PLCB1: variants seen among roughly 807,000 people sequenced by gnomAD.
PLCB1 encodes the protein phospholipase C beta 1.
PLCB1 carries 46 observed loss-of-function variants against 161.8 expected under a neutral mutation model. The observed-to-expected ratio is 0.28, with a 90% CI of 0.22 to 0.36. PLCB1 has a LOEUF of 0.36. PLCB1 is among the 10% of genes least tolerant of loss of function. The pLI is 1.00. For missense variants in PLCB1, 1,016 were observed against 1,472.5 expected (o/e 0.69, Z 5.07); for synonymous variants, 517 against 503.7 (o/e 1.03, Z -0.35).
intron 31 of PLCB1, among the ~76,000 whole-genome samples, chr20:8,801,372 G>T (rs1984271417): frequency 6.6e-6 from 1 of 152,108 alleles, no homozygotes; most frequent in Non-Finnish European, 1.5e-5. Context: ...TTATTCTGCT[G>T]TGCTTTCTGT....
At position 8,881,844 on chromosome 20, in the gene PLCB1, C is replaced by T; in HGVS notation, c.3646C>T (p.Leu1216=). The change falls in exon 32 of 32, where the codon CTG becomes TTG. Residue 1216 remains leucine (L), a synonymous_variant. Coordinates refer to ENST00000338037, the MANE Select transcript of PLCB1 (RefSeq NM_015192.4). ...DIPGKEFDTP[L] The stretch of plus-strand genomic sequence containing the variant: ...CCCAGGAAAAGAATTTGATACTCCT[C>T]TGTGAATGCTCCTGCCAGGCCTTCA... 1.2e-6 allele frequency: 2 copies of T among 1,605,296 alleles called. No homozygotes were observed. Among genetic ancestry groups the T allele is most frequent in the Non-Finnish European group, 1.7e-6 (2 of 1,171,984 alleles).
intron 2 of PLCB1, among the ~76,000 whole-genome samples, chr20:8,272,845 AT>A (rs1407889889): frequency 3.3e-5 from 5 of 152,182 alleles, no homozygotes; most frequent in African/African-American, 7.2e-5. Flanking sequence ...CCAACATTTC[AT>A]GCAATCAGTA....
intron 9 of PLCB1, among the ~76,000 whole-genome samples, chr20:8,666,157 C>A (rs904917378): frequency 6.6e-6 from 1 of 152,118 alleles, no homozygotes; most frequent in African/African-American, 2.4e-5. Context: ...CCCAGAGTTC[C>A]TCGGTGAGAC....
chr20:8,628,499 C>T, intron 4 of PLCB1, 68 bp downstream of exon 4: 1 of 1,480,998 alleles, frequency 6.8e-7, no homozygotes, highest in Non-Finnish European at 9.3e-7. Context: ...ATACTAATGC[C>T]TGCAAAAGAC....
intron 29 of PLCB1, 42 bp downstream of exon 29, chr20:8,788,764 A>G: frequency 7.6e-7 from 1 of 1,307,466 alleles, no homozygotes; most frequent in Non-Finnish European, 1.1e-6. Flanking sequence ...TTCATCTGGG[A>G]ATTATTTTAT....
At chr20:8,198,373 C>A (rs2052052278) in intron 2 of PLCB1, among the ~76,000 whole-genome samples, 1 of 152,164 alleles carries the variant, frequency 6.6e-6, no homozygotes, top group South Asian at 2.1e-4. Flanking sequence ...AGAAGTCCTT[C>A]ACATCCCTTG....
chr20:8,851,142 G>A (rs1228950962), intron 31 of PLCB1, among the ~76,000 whole-genome samples: 4 of 152,182 alleles, frequency 2.6e-5, no homozygotes, highest in African/African-American at 9.6e-5. Flanking sequence ...TGTTCCAATG[G>A]ACTTGGCAGC....
At chr20:8,293,950 A>G (rs1281787612) in intron 2 of PLCB1, among the ~76,000 whole-genome samples, 3 of 152,176 alleles carry the variant, frequency 2.0e-5, no homozygotes, top group Admixed American at 6.6e-5. Flanking sequence ...GTCATGAGGC[A>G]TCTAGAAGAT....
At chr20:8,601,073 C>T (rs931570415) in intron 3 of PLCB1, among the ~76,000 whole-genome samples, 5 of 152,056 alleles carry the variant, frequency 3.3e-5, no homozygotes, top group South Asian at 2.1e-4. Flanking sequence ...GCGTCGCTCA[C>T]GCTGGGAGCT....
intron 25 of PLCB1, among the ~76,000 whole-genome samples, chr20:8,761,560 C>A (rs989728884): frequency 6.6e-6 from 1 of 152,122 alleles, no homozygotes; most frequent in African/African-American, 2.4e-5. Flanking sequence ...ACTCTGCCAC[C>A]CAGGCTGGAA....
rs1219700769 is a variant in PLCB1 at position 8,732,788 on chromosome 20, TAATATATC to T, written c.1889-449_1889-442del. Among the ~76,000 whole-genome samples the T allele has an allele frequency of 3.5e-5, 5 of 142,250 alleles. No homozygotes were observed. In the East Asian group the frequency reaches 8.0e-4, roughly 23 times the overall value. 93.3% of individuals were successfully genotyped at this position (142,250 alleles called of 152,430 possible). A position where few individuals can be genotyped will look rare whatever the true frequency, so the allele number is the denominator to read the frequency against. Reference sequence around the variant, plus strand: ...ATTAGATATATTAGAATAATATAAATAATATATCTAATATATGTTAGATATTAGATATT... The same window carrying T: ...ATTAGATATATTAGAATAATATAAATTAATATATGTTAGATATTAGATATT... On this transcript the variant is annotated intron_variant, in intron 18 of 31. Coordinates refer to ENST00000338037, the MANE Select transcript of PLCB1 (RefSeq NM_015192.4).
chr20:8,443,156 A>G (rs1028577827), intron 3 of PLCB1, among the ~76,000 whole-genome samples: 3 of 151,670 alleles, frequency 2.0e-5, no homozygotes, highest in African/African-American at 4.8e-5. Flanking sequence ...ATATTTTTGT[A>G]TTTTTAGTAG....
chr20:8,154,223 A>G (rs2051537738), intron 2 of PLCB1, among the ~76,000 whole-genome samples: 1 of 152,188 alleles, frequency 6.6e-6, no homozygotes, highest in Non-Finnish European at 1.5e-5. Context: ...ATGTGTGTCT[A>G]TATCATTCCG....
intron 31 of PLCB1, among the ~76,000 whole-genome samples, chr20:8,815,409 C>T (rs541410424): frequency 2.6e-5 from 4 of 152,286 alleles, no homozygotes; most frequent in East Asian, 3.9e-4. Flanking sequence ...CACAAAAGTG[C>T]GTTGATGGGC....
intron 19 of PLCB1, among the ~76,000 whole-genome samples, chr20:8,734,162 T>TAAAAAAAAAAAAAA (rs1555786806): frequency 1.4e-5 from 1 of 71,210 alleles, no homozygotes; most frequent in African/African-American, 4.2e-5. Flanking sequence ...AAAAAAAAAG[T>TAAAAAAAAAAAAAA]TTTCATAGGC....
At chr20:8,263,958 T>C (rs1173129190) in intron 2 of PLCB1, among the ~76,000 whole-genome samples, 1 of 152,182 alleles carries the variant, frequency 6.6e-6, no homozygotes, top group East Asian at 1.9e-4. Flanking sequence ...AATAAACTTT[T>C]CCCCTCAATA....
intron 2 of PLCB1, among the ~76,000 whole-genome samples, chr20:8,152,344 G>C (rs1000908250): frequency 6.6e-6 from 1 of 151,982 alleles, no homozygotes; most frequent in Non-Finnish European, 1.5e-5. Flanking sequence ...TTTCTTTCTG[G>C]CTTGAAGCCC....
intron 3 of PLCB1, among the ~76,000 whole-genome samples, chr20:8,482,864 A>G (rs1249581591): frequency 1.3e-5 from 2 of 151,676 alleles, no homozygotes; most frequent in African/African-American, 4.8e-5. Flanking sequence ...GCAAAGAGAT[A>G]TTTGGCAAAT....
At chr20:8,821,564 T>A (rs1985420029) in intron 31 of PLCB1, among the ~76,000 whole-genome samples, 11 of 124,092 alleles carry the variant, frequency 8.9e-5, no homozygotes, top group South Asian at 2.8e-4. Context: ...TATATTTAAA[T>A]GACACTTTTA....
Sources: allele counts gnomAD v4.1 joint callset (sites outside exome capture counted in the v4.1 genomes callset), GRCh38; gene constraint gnomAD v4.1.1; transcripts MANE v1.5; gene names NCBI Gene and HGNC (gene_info 2026-07-23, HGNC 2026-07-21).